MCTP1: variants seen among roughly 807,000 people sequenced by gnomAD.
The protein encoded by MCTP1 is multiple C2 and transmembrane domain containing 1, also known as multiple C2 and transmembrane domain-containing protein 1.
MCTP1 carries 69 observed loss-of-function variants against 120.6 expected under a neutral mutation model. The observed-to-expected ratio is 0.57, with a 90% CI of 0.47 to 0.70. The LOEUF is 0.70. MCTP1 is among the 30% of genes least tolerant of loss of function. The pLI, the probability that MCTP1 is intolerant of heterozygous loss-of-function variation, is 0.00. For synonymous variants in MCTP1, 529 were observed against 493.1 expected (o/e 1.07, Z -0.96); for missense variants, 1,203 against 1,248.8 (o/e 0.96, Z 0.55).
At chr5:95,236,537 C>T (rs1275837858) in intron 1 of MCTP1, among the ~76,000 whole-genome samples, 2 of 152,066 alleles carry the variant, frequency 1.3e-5, no homozygotes, top group African/African-American at 4.8e-5. Flanking sequence ...TATGCTTATC[C>T]CCAGGAGGTC....
At chr5:95,009,056 AAGAGAGAGAGAGAGAGAGAGAGAG>A (rs201724037) in intron 2 of MCTP1, among the ~76,000 whole-genome samples, 3,625 of 129,550 alleles carry the variant, frequency 0.028, 79 homozygotes, top group Middle Eastern at 0.093. Flanking sequence ...GAGAGGGAGA[AAGAGAGAGAGAGAGAGAGAGAGAG>A]AGAGAGAGAG....
intron 1 of MCTP1, among the ~76,000 whole-genome samples, chr5:95,071,517 A>G (rs887905979): frequency 1.4e-4 from 22 of 152,176 alleles, no homozygotes; most frequent in African/African-American, 5.3e-4. Context: ...TCTATATAAT[A>G]TTCTACTTTT....
At chr5:94,956,246 A>C (rs1193197248) in intron 2 of MCTP1, among the ~76,000 whole-genome samples, 1 of 152,228 alleles carries the variant, frequency 6.6e-6, no homozygotes, top group East Asian at 1.9e-4. Context: ...GACCGTGGAA[A>C]ACTCCATCCA....
At chr5:94,715,363 C>CAAAAAAA (rs35567390) in intron 19 of MCTP1, among the ~76,000 whole-genome samples, 3 of 70,540 alleles carry the variant, frequency 4.3e-5, no homozygotes, top group Admixed American at 1.9e-4. Context: ...ATGAAAACTA[C>CAAAAAAA]AAAAAAAAAA....
intron 2 of MCTP1, among the ~76,000 whole-genome samples, chr5:94,957,478 G>T (rs572427311): frequency 6.6e-6 from 1 of 152,178 alleles, no homozygotes. Context: ...TAGTAAATTG[G>T]ATAAAGAGTC....
chr5:94,940,559 C>T (rs568278087), intron 4 of MCTP1, among the ~76,000 whole-genome samples: 19 of 109,524 alleles, frequency 1.7e-4, no homozygotes, highest in Middle Eastern at 4.3e-3. Context: ...CACACACACA[C>T]GCAAATATAT....
chr5:95,039,316 G>A (rs921204942), intron 1 of MCTP1, among the ~76,000 whole-genome samples: 1 of 152,186 alleles, frequency 6.6e-6, no homozygotes, highest in African/African-American at 2.4e-5. Context: ...GTTGTTGGAA[G>A]TGGTTTTCAG....
chr5:95,161,269 G>T (rs990638130), intron 1 of MCTP1, among the ~76,000 whole-genome samples: 1 of 152,148 alleles, frequency 6.6e-6, no homozygotes, highest in African/African-American at 2.4e-5. Context: ...CCTCATAAAG[G>T]GGGGAAATCC....
chr5:94,961,441 A>G (rs159013), intron 2 of MCTP1, among the ~76,000 whole-genome samples: 126,559 of 152,114 alleles, frequency 0.83, 53,203 homozygotes, highest in African/African-American at 0.94. Flanking sequence ...GAAAATCAGA[A>G]TTGTCCAGTA....
At chr5:94,884,880 C>T (rs1215160979) in intron 12 of MCTP1, among the ~76,000 whole-genome samples, 1 of 152,040 alleles carries the variant, frequency 6.6e-6, no homozygotes, top group East Asian at 1.9e-4. Flanking sequence ...GACAGTTTTC[C>T]AAAAGAAAAA....
chr5:95,076,066 T>C (rs990863611), intron 1 of MCTP1, among the ~76,000 whole-genome samples: 5 of 152,174 alleles, frequency 3.3e-5, no homozygotes, highest in African/African-American at 9.7e-5. Context: ...CTGAACCCTA[T>C]ATATGCTATT....
intron 12 of MCTP1, among the ~76,000 whole-genome samples, chr5:94,886,294 T>A (rs949830477): frequency 4.6e-5 from 7 of 152,260 alleles, no homozygotes; most frequent in Admixed American, 1.3e-4. Flanking sequence ...AAAAGAAAAA[T>A]TTTACATTTT....
At chr5:94,763,084 T>G (rs942530832) in intron 19 of MCTP1, among the ~76,000 whole-genome samples, 1 of 152,172 alleles carries the variant, frequency 6.6e-6, no homozygotes, top group Non-Finnish European at 1.5e-5. Context: ...CTCAAATTTG[T>G]TTCTTTCTAT....
intron 1 of MCTP1, among the ~76,000 whole-genome samples, chr5:95,084,948 T>C (rs1478070630): frequency 6.6e-6 from 1 of 152,156 alleles, no homozygotes; most frequent in Non-Finnish European, 1.5e-5. Flanking sequence ...GCTGTTTGAC[T>C]TTTAGTATGA....
intron 1 of MCTP1, among the ~76,000 whole-genome samples, chr5:95,114,271 A>T (rs1757658683): frequency 6.6e-6 from 1 of 152,194 alleles, no homozygotes. Flanking sequence ...AGTAAAGAGC[A>T]CTTTGTCTAT....
intron 17 of MCTP1, among the ~76,000 whole-genome samples, chr5:94,835,597 T>C (rs1789551596): frequency 6.6e-6 from 1 of 152,192 alleles, no homozygotes; most frequent in Non-Finnish European, 1.5e-5. Flanking sequence ...ACGTACTCAC[T>C]AAAAGGGTTG....
chr5:95,035,750 T>A (rs1841184956), intron 1 of MCTP1, among the ~76,000 whole-genome samples: 1 of 152,060 alleles, frequency 6.6e-6, no homozygotes, highest in African/African-American at 2.4e-5. Flanking sequence ...TTGTGAAAAT[T>A]TAAAGAAATA....
chr5:95,128,217 G>A (rs1383718108), intron 1 of MCTP1, among the ~76,000 whole-genome samples: 1 of 152,158 alleles, frequency 6.6e-6, no homozygotes, highest in Non-Finnish European at 1.5e-5. Flanking sequence ...AGCCAGTTAT[G>A]GTGGCCCAAA....
chr5:95,097,109 T>A (rs1392950436), intron 1 of MCTP1, among the ~76,000 whole-genome samples: 1 of 152,076 alleles, frequency 6.6e-6, no homozygotes, highest in African/African-American at 2.4e-5. Context: ...ATTAAATTTT[T>A]AAAAATATAG....
Sources: gnomAD v4.1 joint callset for allele counts (sites outside exome capture counted in the v4.1 genomes callset) on GRCh38, gnomAD v4.1.1 for gene constraint, MANE v1.5 for transcripts, NCBI Gene and HGNC (gene_info 2026-07-23, HGNC 2026-07-21) for gene names.